VIT: variants seen among roughly 807,000 people sequenced by gnomAD.
The protein encoded by VIT is vitrin.
Under a neutral mutation model 78.0 loss-of-function variants are expected in VIT, and 99 were observed. The observed-to-expected ratio is 1.27, with a 90% confidence interval of 1.08 to 1.50. The LOEUF is 1.50. Among genes scored for constraint, VIT ranks in the 40% most tolerant of loss-of-function variants. VIT has a pLI of 0.00. For synonymous variants in VIT, 374 were observed against 334.3 expected (o/e 1.12, Z -1.29); for missense variants, 1,126 against 875.3 (o/e 1.29, Z -3.61).
chr2:36,720,949 G>A (rs765054489), intron 2 of VIT, among the ~76,000 whole-genome samples: 1 of 151,898 alleles, frequency 6.6e-6, no homozygotes, highest in Non-Finnish European at 1.5e-5. Flanking sequence ...GGCAGAGCTC[G>A]CAGTGAGCTG....
Position 36,767,222 on chromosome 2 carries a change from T to C in VIT, c.616T>C (p.Ser206Pro). The C allele has an allele frequency of 6.2e-7, 1 of 1,605,182 alleles. No homozygotes were observed. Among genetic ancestry groups the C allele is most frequent in the Non-Finnish European group, 8.5e-7 (1 of 1,176,228 alleles). ...TPTTLPRPSP[S>P]AASTTSIPRP... The stretch of plus-strand genomic sequence containing the variant: ...CACCACCTTGCCAAGGCCATCCCCT[T>C]CTGCTGCTTCTACCACCAGCATCCC... Residue 206 changes from serine to proline, a missense_variant, in exon 7 of 16, where the codon TCT (serine) becomes CCT (proline). Physicochemically the swap from Ser to Pro is moderately conservative, Grantham distance 74. Transcript: ENST00000379242.
intron 2 of VIT, among the ~76,000 whole-genome samples, chr2:36,725,067 C>A (rs890522649): frequency 2.6e-5 from 4 of 152,158 alleles, no homozygotes; most frequent in Non-Finnish European, 1.5e-5. Flanking sequence ...CCCACTCAAA[C>A]CCCAGAAGTA....
intron 12 of VIT, among the ~76,000 whole-genome samples, chr2:36,798,923 T>C (rs1475165886): frequency 6.6e-6 from 1 of 152,158 alleles, no homozygotes; most frequent in African/African-American, 2.4e-5. Flanking sequence ...TGTAGGTTGA[T>C]AGGAAGGTCA....
At chr2:36,734,420 G>C (rs974547915) in intron 3 of VIT, among the ~76,000 whole-genome samples, 1 of 152,040 alleles carries the variant, frequency 6.6e-6, no homozygotes, top group Admixed American at 6.6e-5. Context: ...TAGGCAGGGG[G>C]CACTCTCCTA....
intron 4 of VIT, among the ~76,000 whole-genome samples, chr2:36,744,985 T>C (rs1391214671): frequency 2.6e-5 from 4 of 152,170 alleles, no homozygotes; most frequent in Non-Finnish European, 5.9e-5. Flanking sequence ...CTTGAGTTAA[T>C]TTTTGTATAT....
chr2:36,793,445 G>C (rs1482691115), intron 12 of VIT, among the ~76,000 whole-genome samples: 1 of 152,194 alleles, frequency 6.6e-6, no homozygotes, highest in South Asian at 2.1e-4. Flanking sequence ...GGCCCAGGAC[G>C]CTGCACCCTG....
intron 1 of VIT, among the ~76,000 whole-genome samples, chr2:36,709,782 G>C (rs1024671001): frequency 1.3e-5 from 2 of 152,188 alleles, no homozygotes; most frequent in Non-Finnish European, 2.9e-5. Context: ...GGGGTCAAAA[G>C]AGAGGATTAC....
At chr2:36,800,067 C>G (rs1487198764) in intron 12 of VIT, among the ~76,000 whole-genome samples, 4 of 146,554 alleles carry the variant, frequency 2.7e-5, no homozygotes, top group Non-Finnish European at 5.9e-5. Flanking sequence ...AAAAAAATGG[C>G]CGGGCACGGT....
intron 13 of VIT, among the ~76,000 whole-genome samples, chr2:36,804,910 G>T (rs1306805910): frequency 2.6e-5 from 4 of 152,148 alleles, no homozygotes; most frequent in African/African-American, 9.7e-5. Flanking sequence ...GAAGTTGAAG[G>T]CTTGAAATGA....
chr2:36,697,617 C>A (rs150103873), intron 1 of VIT, among the ~76,000 whole-genome samples: 1 of 152,190 alleles, frequency 6.6e-6, no homozygotes. Flanking sequence ...CACAGGAAGA[C>A]AGGATATGAA....
At chr2:36,759,188 G>A in intron 6 of VIT, 142 bp downstream of exon 6, 3 of 1,578,154 alleles carry the variant, frequency 1.9e-6, no homozygotes, top group Non-Finnish European at 1.7e-6. Flanking sequence ...CCAGGAACAT[G>A]GGCACAGAAA....
At position 36,759,151 on chromosome 2, in the gene VIT, C is replaced by T. The variant is rs566225779; in HGVS notation, c.487+105C>T. On this transcript the variant is annotated intron_variant, in intron 6 of 15. Transcript: ENST00000379242. ...TAACATCTTAACCGGTCAAGCTCCA[C>T]TGGCTCTGGCAATATTTTAACAGAT... The T allele has an allele frequency of 1.1e-5, 17 of 1,604,980 alleles. No homozygotes were observed. The African/African-American group carries it at 2.3e-4, about 21-fold the overall frequency.
At chr2:36,769,206 A>G (rs188973713) in intron 7 of VIT, among the ~76,000 whole-genome samples, 1 of 152,276 alleles carries the variant, frequency 6.6e-6, no homozygotes, top group Non-Finnish European at 1.5e-5. Flanking sequence ...TGAGTATCTG[A>G]GTTAGTTGTT....
intron 2 of VIT, among the ~76,000 whole-genome samples, chr2:36,721,010 CA>C (rs59344500): frequency 0.25 from 33,740 of 133,820 alleles, 4,946 homozygotes; most frequent in African/African-American, 0.44. Context: ...GACTCCATCT[CA>C]AAAAAAAAAA....
chr2:36,766,967 C>G (rs1346648578), intron 6 of VIT, 127 bp from the exon 7 acceptor site: 30 of 1,105,496 alleles, frequency 2.7e-5, no homozygotes. Context: ...CTGGGTTTCA[C>G]CCTTCACCGT....
chr2:36,794,325 C>A (rs1411874388), intron 12 of VIT, among the ~76,000 whole-genome samples: 1 of 86,624 alleles, frequency 1.2e-5, no homozygotes, highest in Non-Finnish European at 2.6e-5. Flanking sequence ...CTTTGATATT[C>A]CCTAGAAAAA....
At chr2:36,776,548 C>T (rs1318598279) in intron 9 of VIT, among the ~76,000 whole-genome samples, 5 of 152,234 alleles carry the variant, frequency 3.3e-5, no homozygotes, top group Middle Eastern at 3.4e-3. Flanking sequence ...CGCCGGTAAT[C>T]CCAGCACTTT....
At chr2:36,740,329 C>G (rs1355663786) in intron 3 of VIT, among the ~76,000 whole-genome samples, 3 of 152,200 alleles carry the variant, frequency 2.0e-5, no homozygotes, top group Non-Finnish European at 4.4e-5. Context: ...GACTACCTCA[C>G]AAATAACTGG....
chr2:36,756,751 T>C (rs778189797), intron 5 of VIT, among the ~76,000 whole-genome samples: 24 of 152,216 alleles, frequency 1.6e-4, no homozygotes, highest in Non-Finnish European at 3.1e-4. Flanking sequence ...AAAATGCTAA[T>C]GTCTCGAATA....
Sources: gnomAD v4.1 joint callset for allele counts (sites outside exome capture counted in the v4.1 genomes callset) on GRCh38, gnomAD v4.1.1 for gene constraint, MANE v1.5 for transcripts, NCBI Gene and HGNC (gene_info 2026-07-23, HGNC 2026-07-21) for gene names.